NOMO1: variants seen among roughly 807,000 people sequenced by gnomAD.
NOMO1 encodes the protein nodal modulator 3.
In NOMO1, 40 loss-of-function variants were observed where a neutral mutation model predicts 133.8. The observed-to-expected ratio is 0.30, with a 90% CI of 0.23 to 0.39. The LOEUF (loss-of-function observed/expected upper bound fraction) is 0.39. Ranked by LOEUF, NOMO1 falls within the 10% of genes least tolerant of loss-of-function variation. The pLI is 1.00. For missense variants in NOMO1, 462 were observed against 1,419.9 expected, an observed-to-expected ratio of 0.33 and a Z score of 10.84; for synonymous variants, 236 against 570.5, an observed-to-expected ratio of 0.41 and a Z score of 8.36.
At chr16:14,878,917 G>A in intron 23 of NOMO1, 83 bp downstream of exon 23, 1 of 1,579,002 alleles carries the variant, frequency 6.3e-7, no homozygotes, top group Non-Finnish European at 8.7e-7. Flanking sequence ...CGTGTTGCTT[G>A]ACAACGTGAG....
rs375817621 is a variant in NOMO1, at chr16:14,868,508, A to G, written c.1807-40A>G. On this transcript the variant is annotated intron_variant, in intron 15 of 30. Coordinates refer to ENST00000287667, the MANE Select transcript of NOMO1 (RefSeq NM_014287.4). Reference sequence around the variant, plus strand: ...TATTATTAATCATCTTGGTGTCTCCATCTCTCTTAGTAGTCATTGTATTGG... The same window carrying G: ...TATTATTAATCATCTTGGTGTCTCCGTCTCTCTTAGTAGTCATTGTATTGG... 1.9e-5 allele frequency: 31 copies of G among 1,590,606 alleles called. No homozygotes were observed. In the African/African-American group the frequency reaches 3.3e-4, roughly 17 times the overall value.
Position 14,860,910 on chromosome 16 carries a change from A to C in NOMO1, c.1221-2103A>C, listed in dbSNP as rs420475. On this transcript the variant is annotated intron_variant, in intron 11 of 30. Coordinates refer to ENST00000287667, the MANE Select transcript of NOMO1 (RefSeq NM_014287.4). The stretch of plus-strand genomic sequence containing the variant: ...TACTCCGTTGCCCAGGCTGGAGTAC[A>C]GTGGCGCCATCTCGGCTCACTGCAG... 2.9e-4 allele frequency among the ~76,000 whole-genome samples: 43 copies of C among 150,442 alleles called. 2 individuals carry two copies. The highest frequency in any genetic ancestry group is 2.6e-3 in the South Asian group (12 of 4,690).
At chr16:14,840,122 T>A in intron 2 of NOMO1, among the ~76,000 whole-genome samples, 2 of 118,358 alleles carry the variant, frequency 1.7e-5, no homozygotes, top group South Asian at 6.3e-4. Flanking sequence ...CTTGGACATA[T>A]AGACTTTCCC....
At chr16:14,867,911 G>T (rs1597105081) in intron 15 of NOMO1, among the ~76,000 whole-genome samples, 5 of 112,752 alleles carry the variant, frequency 4.4e-5, no homozygotes, top group Non-Finnish European at 4.1e-5. Flanking sequence ...TTTTTTTTTT[G>T]ACACTTCCTT....
At chr16:14,845,388 A>G (rs1963664608) in intron 4 of NOMO1, among the ~76,000 whole-genome samples, 1 of 151,930 alleles carries the variant, frequency 6.6e-6, no homozygotes. Context: ...CCGAATTGGA[A>G]GGACGCACTC....
chr16:14,859,205 G>C (rs1286984588), intron 11 of NOMO1, among the ~76,000 whole-genome samples: 1 of 151,972 alleles, frequency 6.6e-6, no homozygotes. Context: ...AGGAGGTAGT[G>C]CCCAACAGGG....
Position 14,845,633 on chromosome 16 carries a change from C to T in NOMO1, c.402+859C>T, listed in dbSNP as rs564766480. 1.9e-3 allele frequency among the ~76,000 whole-genome samples: 285 copies of T among 151,964 alleles called. 3 individuals carry two copies. Among genetic ancestry groups the T allele is most frequent in the African/African-American group, 6.6e-3 (275 of 41,374 alleles). On this transcript the variant is annotated intron_variant, in intron 4 of 30. Coordinates refer to ENST00000287667, the MANE Select transcript of NOMO1 (RefSeq NM_014287.4). ...TTCTCCTCCACCTGCCCTGTGCCTG[C>T]GGTTGAGATGTGCTTCCTTCCTTCC...
At chr16:14,874,740 G>A (rs2151005882) in intron 18 of NOMO1, among the ~76,000 whole-genome samples, 1 of 152,110 alleles carries the variant, frequency 6.6e-6, no homozygotes, top group East Asian at 1.9e-4. Flanking sequence ...ACAGAGGATG[G>A]TGGTGTGGAG....
chr16:14,863,308 T>G (rs1963946567), intron 12 of NOMO1, 121 bp downstream of exon 12: 1 of 1,509,362 alleles, frequency 6.6e-7, no homozygotes, highest in Non-Finnish European at 8.9e-7. Context: ...TGTTTCTAAG[T>G]CTTTACAATC....
intron 28 of NOMO1, 50 bp downstream of exon 28, chr16:14,886,912 G>C: frequency 6.4e-7 from 1 of 1,564,250 alleles, no homozygotes; most frequent in Non-Finnish European, 8.8e-7. Context: ...TAATAATTCT[G>C]CTGTTTAGTT....
intron 9 of NOMO1, among the ~76,000 whole-genome samples, chr16:14,855,918 T>A (rs1963826693): frequency 6.6e-6 from 1 of 152,018 alleles, no homozygotes; most frequent in Non-Finnish European, 1.5e-5. Flanking sequence ...CATGTCTTTT[T>A]GGAAAGATCA....
At chr16:14,845,098 T>C (rs1230990410) in intron 4 of NOMO1, among the ~76,000 whole-genome samples, 4 of 151,914 alleles carry the variant, frequency 2.6e-5, no homozygotes, top group Non-Finnish European at 5.9e-5. Flanking sequence ...CTTGACTCAC[T>C]GCAGCCTCCA....
At chr16:14,837,746 TA>T (rs1398862679) in intron 1 of NOMO1, among the ~76,000 whole-genome samples, 7 of 138,662 alleles carry the variant, frequency 5.0e-5, no homozygotes, top group Non-Finnish European at 6.2e-5. Flanking sequence ...TATTTTACTT[TA>T]TTTTTTTTTA....
rs1310125890 is a variant in NOMO1 at position 14,881,131 on chromosome 16, CTT to C, written c.2886-412_2886-411del. Among the ~76,000 whole-genome samples the C allele has an allele frequency of 1.6e-4, 25 of 152,136 alleles. No individual in the cohort carries two copies. The Middle Eastern group carries it at 0.02, about 124-fold the overall frequency. On this transcript the variant is annotated intron_variant, in intron 24 of 30. Transcript: ENST00000287667. Reference sequence around the variant, plus strand: ...CACATATATGTGTATTTTTTGTAGACTTATACAGAATCACTTTAGAGGAAGAG... The same window carrying C: ...CACATATATGTGTATTTTTTGTAGACATACAGAATCACTTTAGAGGAAGAG...
At chr16:14,871,239 T>C (rs1192864501) in intron 16 of NOMO1, among the ~76,000 whole-genome samples, 1 of 151,346 alleles carries the variant, frequency 6.6e-6, no homozygotes, top group Non-Finnish European at 1.5e-5. Flanking sequence ...AGGCTGTGGT[T>C]ATCTCTTGGA....
intron 15 of NOMO1, among the ~76,000 whole-genome samples, 184 bp downstream of exon 15, chr16:14,866,875 C>T (rs1194585371): frequency 2.0e-5 from 3 of 149,554 alleles, no homozygotes; most frequent in Non-Finnish European, 4.4e-5. Flanking sequence ...GTGGAAGGAC[C>T]CCTGTATTTA....
At chr16:14,870,665 A>C (rs1479694366) in intron 16 of NOMO1, among the ~76,000 whole-genome samples, 2 of 148,528 alleles carry the variant, frequency 1.3e-5, no homozygotes, top group Non-Finnish European at 3.0e-5. Flanking sequence ...TCCCTGGGGA[A>C]GGATGGCCTC....
chr16:14,864,605 A>G lies in NOMO1; in HGVS notation c.1416A>G (p.Glu472=). The G allele has an allele frequency of 6.2e-7, 1 of 1,613,490 alleles. No individual in the cohort carries two copies. Among genetic ancestry groups the G allele is most frequent in the Non-Finnish European group, 8.5e-7 (1 of 1,179,824 alleles). ...CACAGGTGATGGTTCCTGAGGCAGAAACCAGAGCAGGGCTGACGTTGAAAC... is the reference window on the plus strand; with the variant it reads ...CACAGGTGATGGTTCCTGAGGCAGAGACCAGAGCAGGGCTGACGTTGAAAC... ...YKVQVMVPEA[E]TRAGLTLKPQ... is the part of the protein sequence containing the mutation. Residue 472 remains glutamate, a synonymous_variant, in exon 13 of 31, where the codon GAA becomes GAG. Transcript: ENST00000287667.
At chr16:14,893,989 G>C (rs1178100591) in intron 29 of NOMO1, among the ~76,000 whole-genome samples, 1 of 151,104 alleles carries the variant, frequency 6.6e-6, no homozygotes, top group Admixed American at 6.6e-5. Context: ...CCTACACTGA[G>C]AACACTGCTC....
Sources: allele counts gnomAD v4.1 joint callset (sites outside exome capture counted in the v4.1 genomes callset), GRCh38; gene constraint gnomAD v4.1.1; transcripts MANE v1.5; gene names NCBI Gene and HGNC (gene_info 2026-07-23, HGNC 2026-07-21).